CREBRF: variants seen among roughly 807,000 people sequenced by gnomAD.
CREBRF encodes the protein UPF0474 protein C5orf41.
Under a neutral mutation model 66.1 loss-of-function variants are expected in CREBRF, and 5 were observed. The observed-to-expected ratio is 0.08, with a 90% CI of 0.04 to 0.16. The LOEUF is 0.16. Among genes scored for constraint, CREBRF ranks in the 10% least tolerant of loss-of-function variants. The pLI is 1.00. For missense variants in CREBRF, 531 were observed against 744.9 expected (o/e 0.71, Z 3.34); for synonymous variants, 229 against 264.4 (o/e 0.87, Z 1.30).
intron 1 of CREBRF, among the ~76,000 whole-genome samples, chr5:173,060,706 A>G (rs1757244561): frequency 6.6e-6 from 1 of 152,046 alleles, no homozygotes; most frequent in Admixed American, 6.6e-5. Flanking sequence ...GATTATTTTA[A>G]GACAAGGGTT....
rs780723745 is a variant in CREBRF at position 173,059,256 on chromosome 5, C to CTTTTTTT, written c.-192+2779_-192+2785dup. On this transcript the variant is annotated intron_variant, in intron 1 of 8. Transcript: ENST00000296953. ...AGCTTATTTATCAGTTCTTCTTTTTCTTTTTTTTCTTTTTTTTTTTTTTTT... is the reference window on the plus strand; with the variant it reads ...AGCTTATTTATCAGTTCTTCTTTTTCTTTTTTTTTTTTTTTCTTTTTTTTTTTTTTTT... Among the ~76,000 whole-genome samples, 115 of 117,630 alleles carry CTTTTTTT rather than the reference C, an allele frequency of 9.8e-4. 6 individuals carry two copies. Among genetic ancestry groups the CTTTTTTT allele is most frequent in the African/African-American group, 1.3e-3 (42 of 31,336 alleles). 77.2% of individuals were successfully genotyped at this position (117,630 alleles called of 152,430 possible). A position where few individuals can be genotyped will look rare whatever the true frequency, so the allele number is the denominator to read the frequency against.
intron 8 of CREBRF, among the ~76,000 whole-genome samples, chr5:173,127,013 G>A (rs769784771): frequency 6.6e-6 from 1 of 152,138 alleles, no homozygotes; most frequent in South Asian, 2.1e-4. Flanking sequence ...GAAGGTCAAG[G>A]CTTCAATGAG....
At position 173,080,682 on chromosome 5, in the gene CREBRF, T is replaced by G; in HGVS notation, c.-94T>G. On this transcript the variant is annotated 5_prime_UTR_variant, in exon 2 of 9. Transcript: ENST00000296953. The stretch of plus-strand genomic sequence containing the variant: ...CCTGCTGTTTATTGTGGAAATCATC[T>G]TCGATCTTGGAATTGAAAGTAAAGC... 7.7e-7 allele frequency: 1 copy of G among 1,304,688 alleles called. No individual in the cohort carries two copies. Among genetic ancestry groups the G allele is most frequent in the African/African-American group, 1.5e-5 (1 of 68,416 alleles). 80.8% of individuals were successfully genotyped at this position (1,304,688 alleles called of 1,614,324 possible).
intron 2 of CREBRF, among the ~76,000 whole-genome samples, chr5:173,082,292 C>T (rs1244856903): frequency 7.7e-6 from 1 of 129,442 alleles, no homozygotes; most frequent in South Asian, 2.3e-4. Flanking sequence ...GGATTACAGG[C>T]GTGAGCCACC....
At chr5:173,110,871 T>C (rs555170753) in intron 6 of CREBRF, among the ~76,000 whole-genome samples, 160 bp downstream of exon 6, 1 of 152,318 alleles carries the variant, frequency 6.6e-6, no homozygotes, top group South Asian at 2.1e-4. Flanking sequence ...GAAGACGGTA[T>C]TTTTGTTTTA....
intron 8 of CREBRF, among the ~76,000 whole-genome samples, chr5:173,132,925 G>A (rs559013204): frequency 3.2e-4 from 48 of 151,814 alleles, no homozygotes; most frequent in Admixed American, 1.9e-3. Context: ...CTGAGCCACC[G>A]TGCCTAGCTG....
rs1422540009 is a variant in CREBRF, at chr5:173,091,148, A to T, written c.969A>T (p.Thr323=). 1.2e-6 allele frequency: 2 copies of T among 1,614,190 alleles called. No homozygotes were observed. The highest frequency in any genetic ancestry group is 1.7e-6 in the Non-Finnish European group (2 of 1,180,040). ...AGESSSLSAS[T]SVSDSSQKKE... is the part of the protein sequence containing the mutation. Reference sequence around the variant, plus strand: ...AGAGCAGCAGTCTTTCTGCCAGTACATCAGTCTCAGATTCATCCCAGAAAA... The same window carrying T: ...AGAGCAGCAGTCTTTCTGCCAGTACTTCAGTCTCAGATTCATCCCAGAAAA... Residue 323 remains threonine, a synonymous_variant, in exon 4 of 9, where the codon ACA becomes ACT. Transcript: ENST00000296953.
Position 173,069,039 on chromosome 5 carries a change from T to C in CREBRF, c.-191-11546T>C, listed in dbSNP as rs1485918063. On this transcript the variant is annotated intron_variant, in intron 1 of 8. Transcript: ENST00000296953. ...GTGAGCTGAGATCACGCCACTGCAC[T>C]CCAGCCTGGGCGACAGAGGGAGACT... 2.6e-5 allele frequency among the ~76,000 whole-genome samples: 4 copies of C among 151,930 alleles called. No homozygotes were observed. In the East Asian group the frequency reaches 7.8e-4, roughly 29 times the overall value.
intron 2 of CREBRF, among the ~76,000 whole-genome samples, chr5:173,082,903 T>G: frequency 1.4e-5 from 1 of 69,734 alleles, no homozygotes; most frequent in African/African-American, 5.7e-5. Context: ...AGCGAGACTC[T>G]GTCTCAAAAA....
intron 6 of CREBRF, 81 bp from the exon 7 acceptor site, chr5:173,112,225 G>A (rs1039655750): frequency 7.1e-6 from 7 of 985,518 alleles, no homozygotes; most frequent in African/African-American, 6.8e-5. Context: ...GCAACATAGC[G>A]AGACCCCTTC....
At chr5:173,102,699 G>A (rs1339838429) in intron 4 of CREBRF, among the ~76,000 whole-genome samples, 1 of 152,126 alleles carries the variant, frequency 6.6e-6, no homozygotes, top group African/African-American at 2.4e-5. Flanking sequence ...ACAGGCACCA[G>A]CGTGGCATGG....
At chr5:173,063,635 C>T (rs184414886) in intron 1 of CREBRF, among the ~76,000 whole-genome samples, 84 of 152,056 alleles carry the variant, frequency 5.5e-4, no homozygotes, top group African/African-American at 1.9e-3. Flanking sequence ...TCTCAAAGTG[C>T]TGGGATTACA....
At chr5:173,067,603 C>T (rs1322559658) in intron 1 of CREBRF, among the ~76,000 whole-genome samples, 4 of 152,110 alleles carry the variant, frequency 2.6e-5, no homozygotes, top group African/African-American at 7.2e-5. Context: ...CTGGTAGTTA[C>T]AATTTAAAAA....
chr5:173,116,980 C>CA (rs1759004765), intron 7 of CREBRF, among the ~76,000 whole-genome samples: 1 of 152,138 alleles, frequency 6.6e-6, no homozygotes, highest in African/African-American at 2.4e-5. Flanking sequence ...TGATTAATAA[C>CA]ATTGAGCCTC....
chr5:173,099,564 A>C (rs1011214777), intron 4 of CREBRF, among the ~76,000 whole-genome samples: 3 of 152,182 alleles, frequency 2.0e-5, no homozygotes, highest in Non-Finnish European at 4.4e-5. Flanking sequence ...ATTGATAGGT[A>C]AGGATTTACT....
chr5:173,093,719 G>A (rs1375260444), intron 4 of CREBRF, among the ~76,000 whole-genome samples: 1 of 152,136 alleles, frequency 6.6e-6, no homozygotes, highest in Non-Finnish European at 1.5e-5. Context: ...GTTTTGCCAT[G>A]TTGCCCAGGC....
At chr5:173,111,779 A>G (rs944900162) in intron 6 of CREBRF, among the ~76,000 whole-genome samples, 12 of 152,346 alleles carry the variant, frequency 7.9e-5, no homozygotes, top group Admixed American at 3.3e-4. Context: ...ATATCCAAGC[A>G]TATATGCTTA....
At chr5:173,066,231 A>G (rs1336146322) in intron 1 of CREBRF, among the ~76,000 whole-genome samples, 1 of 152,240 alleles carries the variant, frequency 6.6e-6, no homozygotes, top group Non-Finnish European at 1.5e-5. Context: ...CTAGCTTTTG[A>G]TACCTGTTCA....
At chr5:173,107,231 G>A (rs2113767761) in intron 4 of CREBRF, among the ~76,000 whole-genome samples, 1 of 152,254 alleles carries the variant, frequency 6.6e-6, no homozygotes, top group Admixed American at 6.5e-5. Flanking sequence ...TTTTCAGGAA[G>A]GAAAAATTAC....
Sources: allele counts gnomAD v4.1 joint callset (sites outside exome capture counted in the v4.1 genomes callset), GRCh38; gene constraint gnomAD v4.1.1; transcripts MANE v1.5; gene names NCBI Gene and HGNC (gene_info 2026-07-23, HGNC 2026-07-21).